SOX5: variants seen among roughly 807,000 people sequenced by gnomAD.
SOX5 encodes the protein transcription factor SOX-5.
SOX5 carries 9 observed loss-of-function variants against 92.0 expected under a neutral mutation model. That is an observed-to-expected ratio of 0.10 (90% CI 0.06 to 0.17). The LOEUF (loss-of-function observed/expected upper bound fraction) is 0.17. Ranked by LOEUF, SOX5 falls within the 10% of genes least tolerant of loss-of-function variation. SOX5 has a pLI of 1.00. For missense variants in SOX5, 642 were observed against 944.5 expected (o/e 0.68, Z 4.20); for synonymous variants, 344 against 336.3 (o/e 1.02, Z -0.25).
intron 4 of SOX5, 22 bp downstream of exon 4, chr12:23,755,616 A>G (rs1484537908): frequency 2.0e-6 from 3 of 1,535,660 alleles, no homozygotes; most frequent in African/African-American, 1.4e-5. Context: ...CATTTTGGAT[A>G]AAAACAATCA....
In SOX5 at chr12:24,017,557, G is replaced by A. The variant is rs192204275; in HGVS notation, c.-1-121533C>T. Among the ~76,000 whole-genome samples the A allele has an allele frequency of 1.0e-3, 158 of 151,910 alleles. No homozygotes were observed. The East Asian group carries it at 0.024, about 23-fold the overall frequency. On this transcript the variant is annotated intron_variant, in intron 4 of 4. Transcript: ENST00000446891. ...GGAGGTTGCAGTGAGCCAAGATCGC[G>A]CCCCTGCACTCCAGCCTGGGTGACA... is the stretch of plus-strand genomic sequence containing the variant.
chr12:24,172,637 C>G (rs942011906), intron 4 of SOX5, among the ~76,000 whole-genome samples: 1 of 152,114 alleles, frequency 6.6e-6, no homozygotes, highest in African/African-American at 2.4e-5. Context: ...AAGTGTTGTT[C>G]ACAGCAACAG....
chr12:23,636,189 T>C (rs1458732006), intron 8 of SOX5, among the ~76,000 whole-genome samples: 4 of 152,194 alleles, frequency 2.6e-5, no homozygotes, highest in East Asian at 3.8e-4. Flanking sequence ...AAATGGTGTC[T>C]ATGGCACATG....
rs569995582 is a variant in SOX5 at position 24,054,004 on chromosome 12, C to T, written c.-1-157980G>A. ...CCCCCAAGCTCTATGGCTCTGAGGC[C>T]TGTGTTCTTTCCATGGCACTACAAA... On this transcript the variant is annotated intron_variant, in intron 4 of 4. Coordinates refer to the SOX5 transcript ENST00000446891. Among the ~76,000 whole-genome samples the T allele has an allele frequency of 2.6e-5, 4 of 152,308 alleles. No homozygotes were observed. The East Asian group carries it at 7.7e-4, about 29-fold the overall frequency.
intron 2 of SOX5, among the ~76,000 whole-genome samples, chr12:24,327,094 T>C (rs1338111656): frequency 1.3e-5 from 2 of 152,196 alleles, no homozygotes; most frequent in South Asian, 2.1e-4. Context: ...GTACTTTTGA[T>C]GAATAACAAT....
At chr12:24,188,625 T>C (rs1956236067) in intron 4 of SOX5, among the ~76,000 whole-genome samples, 1 of 152,098 alleles carries the variant, frequency 6.6e-6, no homozygotes, top group African/African-American at 2.4e-5. Context: ...ATGCAAAGTA[T>C]GGATAAAGAG....
chr12:23,873,964 T>C (rs1322674923), intron 2 of SOX5, among the ~76,000 whole-genome samples: 1 of 152,204 alleles, frequency 6.6e-6, no homozygotes, highest in African/African-American at 2.4e-5. Context: ...GGTTTTCTGG[T>C]AAGAATACGG....
At chr12:24,289,872 C>A (rs1946421281) in intron 2 of SOX5, among the ~76,000 whole-genome samples, 1 of 152,172 alleles carries the variant, frequency 6.6e-6, no homozygotes, top group African/African-American at 2.4e-5. Context: ...GGCCAAAGGT[C>A]AGACATGCTT....
chr12:23,807,442 A>T (rs2095799553), intron 3 of SOX5, among the ~76,000 whole-genome samples: 1 of 152,132 alleles, frequency 6.6e-6, no homozygotes, highest in South Asian at 2.1e-4. Context: ...ACACACAAAG[A>T]TAAAAAAATC....
At chr12:23,665,316 G>A in intron 7 of SOX5, 128 bp downstream of exon 7, 1 of 1,008,490 alleles carries the variant, frequency 9.9e-7, no homozygotes, top group Non-Finnish European at 1.5e-6. Flanking sequence ...CACATTCTGT[G>A]TGTTTCCTCT....
chr12:24,337,037 T>G (rs773082817), intron 2 of SOX5, among the ~76,000 whole-genome samples: 1 of 151,704 alleles, frequency 6.6e-6, no homozygotes, highest in Non-Finnish European at 1.5e-5. Context: ...AAATTAAGAG[T>G]ATGAGATCTC....
chr12:23,940,326 C>T (rs1943380425), intron 1 of SOX5, among the ~76,000 whole-genome samples: 1 of 151,122 alleles, frequency 6.6e-6, no homozygotes, highest in African/African-American at 2.4e-5. Flanking sequence ...TTAAAAACTC[C>T]TAAGAGACAC....
rs554719915 is a variant in SOX5 at position 23,721,188 on chromosome 12, C to T, written c.810+13496G>A. 3.3e-5 allele frequency among the ~76,000 whole-genome samples: 5 copies of T among 152,182 alleles called. No homozygotes were observed. In the South Asian group the frequency reaches 8.3e-4, roughly 25 times the overall value. Reference sequence around the variant, plus strand: ...GCAACCTCCACCTCCCAGGTTCAAGCGATTCTCCTGCCTCAGCCTCCAGAG... The same window carrying T: ...GCAACCTCCACCTCCCAGGTTCAAGTGATTCTCCTGCCTCAGCCTCCAGAG... On this transcript the variant is annotated intron_variant, in intron 6 of 14. Coordinates refer to ENST00000451604, the MANE Select transcript of SOX5 (RefSeq NM_006940.6).
At chr12:24,182,013 T>A (rs983978228) in intron 4 of SOX5, among the ~76,000 whole-genome samples, 3 of 152,188 alleles carry the variant, frequency 2.0e-5, no homozygotes, top group Non-Finnish European at 4.4e-5. Context: ...CATTAAGCAC[T>A]TCTATGTAGA....
chr12:24,090,373 C>A lies in SOX5; in HGVS notation c.-2+122970G>T, dbSNP rs569944636. Among the ~76,000 whole-genome samples the A allele has an allele frequency of 6.6e-5, 10 of 152,112 alleles. No individual in the cohort carries two copies. The South Asian group carries it at 1.9e-3, about 28-fold the overall frequency. ...TACATTTCTATGTGACCACTGAGAACGCTTGTAGAATTATAAAGTGCTCTT... is the reference window on the plus strand; with the variant it reads ...TACATTTCTATGTGACCACTGAGAAAGCTTGTAGAATTATAAAGTGCTCTT... On this transcript the variant is annotated intron_variant, in intron 4 of 4. Coordinates refer to the SOX5 transcript ENST00000446891.
chr12:23,971,652 T>A lies in SOX5; in HGVS notation c.-1-75628A>T, dbSNP rs139147789. 7.0e-3 allele frequency among the ~76,000 whole-genome samples: 1,060 copies of A among 151,904 alleles called. 15 individuals are homozygous for A. The highest frequency in any genetic ancestry group is 0.024 in the African/African-American group (1,011 of 41,494). ...AAAATGAAATATGTATATATCATAGTTATTTAAAAAATAATTATTTTGAAG... is the reference window on the plus strand; with the variant it reads ...AAAATGAAATATGTATATATCATAGATATTTAAAAAATAATTATTTTGAAG... On this transcript the variant is annotated intron_variant, in intron 4 of 4. Transcript: ENST00000446891.
intron 4 of SOX5, among the ~76,000 whole-genome samples, chr12:24,034,570 A>ATTTTT (rs34793688): frequency 6.9e-6 from 1 of 144,126 alleles, no homozygotes; most frequent in African/African-American, 2.6e-5. Flanking sequence ...GCTCGGGAGG[A>ATTTTT]TTTTTTTTTT....
chr12:24,048,158 G>A (rs1015470943), intron 4 of SOX5, among the ~76,000 whole-genome samples: 15 of 152,216 alleles, frequency 9.9e-5, no homozygotes, highest in African/African-American at 1.7e-4. Flanking sequence ...ATCACATTCC[G>A]TGCACACAAA....
At chr12:24,297,185 G>T (rs1186344666) in intron 2 of SOX5, among the ~76,000 whole-genome samples, 2 of 152,152 alleles carry the variant, frequency 1.3e-5, no homozygotes, top group Non-Finnish European at 2.9e-5. Context: ...GATCCAACCT[G>T]TAATTCGGTG....
Sources: gnomAD v4.1 joint callset for allele counts (sites outside exome capture counted in the v4.1 genomes callset) on GRCh38, gnomAD v4.1.1 for gene constraint, MANE v1.5 for transcripts, NCBI Gene and HGNC (gene_info 2026-07-23, HGNC 2026-07-21) for gene names.